CDK12: variants seen among roughly 807,000 people sequenced by gnomAD.
CDK12 encodes cyclin-dependent kinase 12.
A neutral mutation model predicts 133.8 loss-of-function variants in CDK12; 17 were observed. The observed-to-expected ratio is 0.13, with a 90% CI of 0.09 to 0.19. The LOEUF (loss-of-function observed/expected upper bound fraction) is 0.19. Among genes scored for constraint, CDK12 ranks in the 10% least tolerant of loss-of-function variants. The probability of loss-of-function intolerance (pLI) is 1.00; values close to 1 mark genes in which losing one functional copy is unlikely to be tolerated. For missense variants in CDK12, 1,508 were observed against 1,818.7 expected (o/e 0.83, Z 3.11); for synonymous variants, 694 against 683.6 (o/e 1.02, Z -0.24).
At chr17:39,554,743 G>A (rs2056084962) in intron 2 of CDK12, among the ~76,000 whole-genome samples, 1 of 152,168 alleles carries the variant, frequency 6.6e-6, no homozygotes, top group Non-Finnish European at 1.5e-5. Flanking sequence ...GCCAGGCGTG[G>A]TGGCGTGCAC....
rs552102059 is a variant in CDK12, at chr17:39,522,383, G to A, written c.3096-2291G>A. 5.3e-5 allele frequency among the ~76,000 whole-genome samples: 8 copies of A among 150,944 alleles called. No individual in the cohort carries two copies. In the South Asian group the frequency reaches 1.0e-3, roughly 20 times the overall value. Reference sequence around the variant, plus strand: ...ATTACAGGCGTGAGCCACTGAACCCGGCCAACAGTCCCAGTTTTAAATGGT... The same window carrying A: ...ATTACAGGCGTGAGCCACTGAACCCAGCCAACAGTCCCAGTTTTAAATGGT... On this transcript the variant is annotated intron_variant, in intron 11 of 13. Transcript: ENST00000447079.
intron 2 of CDK12, among the ~76,000 whole-genome samples, chr17:39,551,926 A>C (rs2055969906): frequency 6.6e-6 from 1 of 152,172 alleles, no homozygotes; most frequent in African/African-American, 2.4e-5. Flanking sequence ...TCATGAGACT[A>C]AGTTAGGTTA....
chr17:39,510,070 G>A lies in CDK12; in HGVS notation c.2666+309G>A, dbSNP rs34515484. ...ACCTGCCTCAGCCTCCCAAAGTGCC[G>A]GGATTACAGACATGAGCCACCGCAC... On this transcript the variant is annotated intron_variant, in intron 7 of 13. Coordinates refer to ENST00000447079, the MANE Select transcript of CDK12 (RefSeq NM_016507.4). Among the ~76,000 whole-genome samples, 938 of 151,332 alleles carry A rather than the reference G, an allele frequency of 6.2e-3. 13 individuals carry two copies. The highest frequency in any genetic ancestry group is 0.022 in the African/African-American group (896 of 41,130).
rs770310273 is a variant in CDK12 at position 39,531,238 on chromosome 17, T to G, written c.4395T>G (p.Ser1465=). 5 of 1,514,786 alleles carry G rather than the reference T, an allele frequency of 3.3e-6. No homozygotes were observed. The highest frequency in any genetic ancestry group is 4.4e-6 in the Non-Finnish European group (5 of 1,134,068). The allele number at this position is 1,514,786 out of a possible 1,614,324, so 93.8% of individuals were successfully genotyped here. A position where few individuals can be genotyped will look rare whatever the true frequency, so the allele number is the denominator to read the frequency against. Residue 1465 remains serine (S), a synonymous_variant, in exon 14 of 14, where the codon TCT becomes TCG. Coordinates refer to ENST00000447079, the MANE Select transcript of CDK12 (RefSeq NM_016507.4). ...AGLHWGGPTQ[S]SAYGKLYRGP... ...TTCACTGGGGGGGCCCAACTCAGTCTTCTGCTTATGGAAAACTCTATCGGG... is the reference window on the plus strand; with the variant it reads ...TTCACTGGGGGGGCCCAACTCAGTCGTCTGCTTATGGAAAACTCTATCGGG...
intron 5 of CDK12, among the ~76,000 whole-genome samples, chr17:39,498,448 C>T (rs1272333254): frequency 1.3e-5 from 2 of 152,148 alleles, no homozygotes; most frequent in Non-Finnish European, 2.9e-5. Flanking sequence ...GTTTCAAACT[C>T]CTGACCTCAA....
intron 8 of CDK12, 106 bp downstream of exon 8, chr17:39,511,736 G>C (rs1034194442): frequency 2.9e-5 from 16 of 545,530 alleles, no homozygotes; most frequent in Non-Finnish European, 4.9e-5. Context: ...AAGTTCAGAA[G>C]GATGGCGATA....
intron 2 of CDK12, among the ~76,000 whole-genome samples, chr17:39,473,891 A>G (rs2049992363): frequency 6.6e-6 from 1 of 151,564 alleles, no homozygotes; most frequent in South Asian, 2.1e-4. Context: ...TCTCAAAAAA[A>G]AAAAAAGAAA....
intron 10 of CDK12, among the ~76,000 whole-genome samples, chr17:39,518,791 T>C (rs2053974976): frequency 6.6e-6 from 1 of 152,086 alleles, no homozygotes; most frequent in Non-Finnish European, 1.5e-5. Context: ...ACTCCTGACC[T>C]CAAGTGATCT....
intron 10 of CDK12, among the ~76,000 whole-genome samples, chr17:39,518,688 A>G (rs1460645753): frequency 6.6e-6 from 1 of 151,782 alleles, no homozygotes; most frequent in Non-Finnish European, 1.5e-5. Context: ...CCTTCCAAGT[A>G]GCTGGAATTA....
At chr17:39,528,795 T>C (rs1442449373) in intron 13 of CDK12, among the ~76,000 whole-genome samples, 2 of 152,242 alleles carry the variant, frequency 1.3e-5, no homozygotes. Flanking sequence ...TTATCTCACT[T>C]TTACAGTTAC....
chr17:39,529,078 A>G (rs1337847490), intron 13 of CDK12, among the ~76,000 whole-genome samples: 3 of 152,174 alleles, frequency 2.0e-5, no homozygotes. Context: ...CAGTCAACAA[A>G]TAACTTGGGT....
Position 39,490,719 on chromosome 17 carries a change from T to C in CDK12, c.2094T>C (p.Tyr698=). The C allele has an allele frequency of 1.9e-6, 3 of 1,601,622 alleles. No homozygotes were observed. The highest frequency in any genetic ancestry group is 2.6e-6 in the Non-Finnish European group (3 of 1,174,122). The change falls in exon 3 of 14, where the codon TAT becomes TAC. Residue 698 remains tyrosine, a synonymous_variant. Transcript: ENST00000447079. ...PKAITPPQQP[Y]KKRPKICCPR... is the part of the protein sequence containing the mutation. ...CAATCACACCACCTCAGCAACCATA[T>C]AAAAAGAGACCAAAGTGAGTTTTTG...
At chr17:39,503,988 C>T (rs548394862) in intron 6 of CDK12, among the ~76,000 whole-genome samples, 2 of 152,118 alleles carry the variant, frequency 1.3e-5, no homozygotes, top group African/African-American at 2.4e-5. Context: ...CTAAGAACTT[C>T]GTAATAAATG....
chr17:39,498,408 A>G (rs1211866076), intron 5 of CDK12, among the ~76,000 whole-genome samples: 1 of 151,822 alleles, frequency 6.6e-6, no homozygotes, highest in Non-Finnish European at 1.5e-5. Flanking sequence ...TTTTTAGTAG[A>G]GATGGGGTTT....
At position 39,471,289 on chromosome 17, in the gene CDK12, A is replaced by G. The variant is rs769051811; in HGVS notation, c.1457A>G (p.Asn486Ser). 17 of 1,613,340 alleles carry G rather than the reference A, an allele frequency of 1.1e-5. No individual in the cohort carries two copies. The highest frequency in any genetic ancestry group is 1.4e-5 in the Non-Finnish European group (16 of 1,179,802). The stretch of plus-strand genomic sequence containing the variant: ...ACAGGGAAAGTAAAGTTGGATGAGA[A>G]CTCCGAGAAGCATCTTGTTAAAGAT... The part of the protein sequence containing the change: ...SDTGKVKLDE[N>S]SEKHLVKDLK... Residue 486 changes from asparagine (N) to serine (S), a missense_variant, in exon 2 of 14, where the codon AAC (asparagine) becomes AGC (serine). Transcript: ENST00000447079.
chr17:39,539,699 ATATC>A (rs1337090056), intron 1 of CDK12, among the ~76,000 whole-genome samples: 1 of 152,236 alleles, frequency 6.6e-6, no homozygotes, highest in East Asian at 1.9e-4. Context: ...GTAAGTCAAC[ATATC>A]AATGCAGGTT....
intron 2 of CDK12, among the ~76,000 whole-genome samples, chr17:39,478,588 C>G (rs1459173462): frequency 6.6e-6 from 1 of 152,138 alleles, no homozygotes; most frequent in East Asian, 1.9e-4. Flanking sequence ...CTCCTATAAT[C>G]CCAGCCCTTT....
chr17:39,463,530 A>G (rs2049092533), intron 1 of CDK12, among the ~76,000 whole-genome samples: 1 of 152,116 alleles, frequency 6.6e-6, no homozygotes, highest in South Asian at 2.1e-4. Flanking sequence ...AGAAATTGGT[A>G]TGGAAGTTAC....
intron 7 of CDK12, 54 bp from the exon 8 acceptor site, chr17:39,511,474 AT>A: frequency 8.8e-7 from 1 of 1,130,570 alleles, no homozygotes; most frequent in Non-Finnish European, 1.3e-6. Context: ...TTATGTGAAT[AT>A]TTTTCATCAG....
Sources: allele counts gnomAD v4.1 joint callset (sites outside exome capture counted in the v4.1 genomes callset), GRCh38; gene constraint gnomAD v4.1.1; transcripts MANE v1.5; gene names NCBI Gene and HGNC (gene_info 2026-07-23, HGNC 2026-07-21).